The following C2CD5 variants were observed in gnomAD, a reference collection of about 807,000 sequenced individuals.
C2CD5 encodes C2 calcium dependent domain containing 5.
A neutral mutation model predicts 130.3 loss-of-function variants in C2CD5; 109 were observed. The ratio of observed to expected loss-of-function variants is 0.84; its 90% CI spans 0.72 to 0.98. The LOEUF (loss-of-function observed/expected upper bound fraction) is 0.98, where lower values mean the gene tolerates loss of function less well. Ranked by LOEUF, C2CD5 falls within the 50% of genes least tolerant of loss-of-function variation. C2CD5 has a pLI of 0.00. For missense variants in C2CD5, 996 were observed against 1,261.8 expected (o/e 0.79, Z 3.19); for synonymous variants, 454 against 429.2 (o/e 1.06, Z -0.71).
At position 22,518,041 on chromosome 12, in the gene C2CD5, G is replaced by T; in HGVS notation, c.897C>A (p.Ser299=). The change falls in exon 8 of 27, where the codon TCC becomes TCA. Residue 299 remains serine, a synonymous_variant. Transcript: ENST00000446597. ...NQTYSFSPSK[S]YSRQSSSSDT... ...CAGAAGAAGAGGACTGTCGACTGTA[G>T]GACTTGGAAGGTGAAAAGGAATAAG... 3 of 1,614,024 alleles carry T rather than the reference G, an allele frequency of 1.9e-6. No homozygotes were observed. The highest frequency in any genetic ancestry group is 2.5e-6 in the Non-Finnish European group (3 of 1,179,904).
At chr12:22,514,585 G>A (rs1038449485) in intron 8 of C2CD5, among the ~76,000 whole-genome samples, 1 of 151,996 alleles carries the variant, frequency 6.6e-6, no homozygotes, top group Non-Finnish European at 1.5e-5. Context: ...GACTTAAACT[G>A]ATTCAAACAG....
chr12:22,450,269 A>G (rs1938290053), intron 26 of C2CD5, among the ~76,000 whole-genome samples: 1 of 152,146 alleles, frequency 6.6e-6, no homozygotes, highest in Non-Finnish European at 1.5e-5. Context: ...CCTGAAAAGA[A>G]CCGTCTCCTA....
rs539055871 is a variant in C2CD5, at chr12:22,522,971, T to C, written c.800+455A>G. ...CTCACACCTGTAAATCCCAGCATTT[T>C]GGGAGGTCAAGGCAGGTAGATCACT... On this transcript the variant is annotated intron_variant, in intron 7 of 26. Transcript: ENST00000446597. 4.6e-5 allele frequency among the ~76,000 whole-genome samples: 7 copies of C among 152,244 alleles called. No individual in the cohort carries two copies. In the South Asian group the frequency reaches 1.5e-3, roughly 32 times the overall value.
chr12:22,540,925 A>AT (rs961817660), intron 2 of C2CD5, among the ~76,000 whole-genome samples: 4 of 152,166 alleles, frequency 2.6e-5, no homozygotes, highest in Non-Finnish European at 4.4e-5. Flanking sequence ...CGTGGTACTG[A>AT]TTTTTTAATT....
At chr12:22,509,124 C>T (rs920201227) in intron 9 of C2CD5, among the ~76,000 whole-genome samples, 1 of 151,444 alleles carries the variant, frequency 6.6e-6, no homozygotes, top group Non-Finnish European at 1.5e-5. Context: ...ATGATCCACC[C>T]GCCTCGGCCT....
chr12:22,472,065 T>A lies in C2CD5; in HGVS notation c.2170A>T (p.Met724Leu), dbSNP rs779355428. 6.6e-7 allele frequency: 1 copy of A among 1,511,952 alleles called. No individual in the cohort carries two copies. Among genetic ancestry groups the A allele is most frequent in the Admixed American group, 1.8e-5 (1 of 55,882 alleles). 93.7% of individuals were successfully genotyped at this position (1,511,952 alleles called of 1,614,324 possible). A position where few individuals can be genotyped will look rare whatever the true frequency, so the allele number is the denominator to read the frequency against. Reference protein sequence around the residue: ...GINNWTSEIQMFTSVRVIRLS... With the variant: ...GINNWTSEIQLFTSVRVIRLS... ...CTGATTACTCTTACTGAAGTGAACA[T>A]CTAAATGTGGGGTGACATAACATGT... The change falls in exon 19 of 27, where the codon ATG becomes TTG. Residue 724 changes from methionine to leucine, a missense_variant and splice_region_variant. Transcript: ENST00000446597.
At chr12:22,510,946 CAT>C (rs1949116365) in intron 9 of C2CD5, among the ~76,000 whole-genome samples, 1 of 152,096 alleles carries the variant, frequency 6.6e-6, no homozygotes, top group Admixed American at 6.5e-5. Flanking sequence ...GCCTGGGCAT[CAT>C]AGAGAGAGGC....
rs16924965 is a variant in C2CD5 at position 22,459,907 on chromosome 12, T to C, written c.2534-365A>G. Among the ~76,000 whole-genome samples the C allele has an allele frequency of 5.2e-3, 794 of 152,282 alleles. 13 individuals are homozygous for C. The highest frequency in any genetic ancestry group is 0.051 in the East Asian group (267 of 5,190). ...AATGTGTTGGGAAGAATATCTGAAA[T>C]GAAACATGGAAGGAAAATGTTTGCT... On this transcript the variant is annotated intron_variant, in intron 22 of 26. Coordinates refer to ENST00000446597, the MANE Select transcript of C2CD5 (RefSeq NM_001286176.2).
At chr12:22,523,394 T>C (rs751087431) in intron 7 of C2CD5, 32 bp downstream of exon 7, 1 of 1,549,968 alleles carries the variant, frequency 6.5e-7, no homozygotes, top group African/African-American at 1.4e-5. Context: ...ATAAAAATCT[T>C]AGCAAGAACA....
chr12:22,520,000 T>C (rs1212012546), intron 7 of C2CD5, among the ~76,000 whole-genome samples: 2 of 152,124 alleles, frequency 1.3e-5, no homozygotes, highest in Admixed American at 6.5e-5. Flanking sequence ...ATATATCCTA[T>C]AATAAACCAT....
In C2CD5 at chr12:22,502,497, CCTAA is replaced by C. The variant is rs1476372535; in HGVS notation, c.1147+4210_1147+4213del. On this transcript the variant is annotated intron_variant, in intron 10 of 26. Transcript: ENST00000446597. ...TAAATGATCATTCTGAAGTTAATCA[CCTAA>C]GAAAAGTCATTGATAATTTATGGTA... Among the ~76,000 whole-genome samples the C allele has an allele frequency of 1.4e-4, 22 of 152,166 alleles. No individual in the cohort carries two copies. The East Asian group carries it at 4.2e-3, about 29-fold the overall frequency.
At position 22,458,653 on chromosome 12, in the gene C2CD5, T is replaced by C; in HGVS notation, c.2585-68A>G. Reference sequence around the variant, plus strand: ...AAATATGGATGATGTCTCTTACTCGTCTTAACACTCCTTTCGATGATGTAA... The same window carrying C: ...AAATATGGATGATGTCTCTTACTCGCCTTAACACTCCTTTCGATGATGTAA... On this transcript the variant is annotated intron_variant, in intron 23 of 26. Coordinates refer to ENST00000446597, the MANE Select transcript of C2CD5 (RefSeq NM_001286176.2). 3 of 543,020 alleles carry C rather than the reference T, an allele frequency of 5.5e-6. No homozygotes were observed. The Admixed American group carries it at 1.3e-4, about 24-fold the overall frequency. 33.6% of individuals were successfully genotyped at this position (543,020 alleles called of 1,614,324 possible). A position where few individuals can be genotyped will look rare whatever the true frequency, so the allele number is the denominator to read the frequency against.
At position 22,522,386 on chromosome 12, in the gene C2CD5, A is replaced by G. The variant is rs113068286; in HGVS notation, c.800+1040T>C. 2.9e-3 allele frequency among the ~76,000 whole-genome samples: 445 copies of G among 152,312 alleles called. 2 individuals are homozygous for G. The highest frequency in any genetic ancestry group is 8.5e-3 in the South Asian group (41 of 4,828). ...AAAATCTTGTTCCAAACACTCTGTG[A>G]TGACAGTCATGACCACCATCATGTT... On this transcript the variant is annotated intron_variant, in intron 7 of 26. Transcript: ENST00000446597.
intron 6 of C2CD5, 28 bp from the exon 7 acceptor site, chr12:22,523,652 G>A (rs1950461749): frequency 1.0e-5 from 16 of 1,553,582 alleles, no homozygotes; most frequent in African/African-American, 1.4e-5. Context: ...TCTCATTCTT[G>A]CTTTGTAGCT....
intron 3 of C2CD5, among the ~76,000 whole-genome samples, chr12:22,531,551 G>A (rs963891093): frequency 6.6e-6 from 1 of 152,074 alleles, no homozygotes; most frequent in Non-Finnish European, 1.5e-5. Context: ...CTGACTTCCA[G>A]TTCAATGTTC....
In C2CD5 at chr12:22,540,225, A is replaced by T. The variant is rs191002037; in HGVS notation, c.90+3836T>A. On this transcript the variant is annotated intron_variant, in intron 2 of 26. Transcript: ENST00000446597. ...CACAACTGTCTCACTCTGTTTGAGA[A>T]GCAGTCACATTCACGTGGTTTTAAC... Among the ~76,000 whole-genome samples the T allele has an allele frequency of 2.6e-5, 4 of 152,354 alleles. No homozygotes were observed. In the East Asian group the frequency reaches 5.8e-4, roughly 22 times the overall value.
intron 11 of C2CD5, among the ~76,000 whole-genome samples, chr12:22,492,331 G>A (rs1423914512): frequency 6.6e-6 from 1 of 152,148 alleles, no homozygotes; most frequent in Non-Finnish European, 1.5e-5. Context: ...TAAGTAAGGA[G>A]CTGAGAAAAC....
intron 26 of C2CD5, among the ~76,000 whole-genome samples, chr12:22,450,962 A>AC (rs1215971666): frequency 6.6e-6 from 1 of 152,102 alleles, no homozygotes; most frequent in Admixed American, 6.6e-5. Context: ...GAGGAGCAAT[A>AC]TGTACTGTAA....
chr12:22,512,645 A>G (rs1172325302), intron 9 of C2CD5: 2 of 1,488,064 alleles, frequency 1.3e-6, no homozygotes, highest in Non-Finnish European at 1.8e-6. Context: ...TCAGAAACAT[A>G]CCCGCCTTCT....
Sources: allele counts gnomAD v4.1 joint callset (sites outside exome capture counted in the v4.1 genomes callset), GRCh38; gene constraint gnomAD v4.1.1; transcripts MANE v1.5; gene names NCBI Gene and HGNC (gene_info 2026-07-23, HGNC 2026-07-21).